Variants in KCNIP4 observed in about 807,000 individuals in gnomAD.
KCNIP4 encodes Kv channel-interacting protein 4.
KCNIP4 carries 12 observed loss-of-function variants against 34.0 expected under a neutral mutation model. That is an observed-to-expected ratio of 0.35 (90% CI 0.23 to 0.57). The LOEUF (loss-of-function observed/expected upper bound fraction) is 0.57, where lower values mean the gene tolerates loss of function less well. Ranked by LOEUF, KCNIP4 falls within the 20% of genes least tolerant of loss-of-function variation. The pLI, the probability that KCNIP4 is intolerant of heterozygous loss-of-function variation, is 0.83. For missense variants in KCNIP4, 238 were observed against 311.7 expected (o/e 0.76, Z 1.78); for synonymous variants, 124 against 102.2 (o/e 1.21, Z -1.29).
chr4:21,690,918 T>C (rs147533749), intron 1 of KCNIP4, among the ~76,000 whole-genome samples: 2 of 152,288 alleles, frequency 1.3e-5, no homozygotes, highest in Non-Finnish European at 2.9e-5. Flanking sequence ...TAAAAAAACA[T>C]ACAGAGAAAT....
At chr4:21,021,081 T>C (rs1357987508) in intron 1 of KCNIP4, among the ~76,000 whole-genome samples, 2 of 152,232 alleles carry the variant, frequency 1.3e-5, no homozygotes, top group Non-Finnish European at 2.9e-5. Flanking sequence ...CACGATGTGA[T>C]ATGGCTTATT....
At chr4:21,110,327 A>G (rs1195971379) in intron 1 of KCNIP4, among the ~76,000 whole-genome samples, 2 of 152,234 alleles carry the variant, frequency 1.3e-5, no homozygotes, top group Non-Finnish European at 2.9e-5. Flanking sequence ...AAAGAAAAAA[A>G]CAGACACATA....
intron 1 of KCNIP4, among the ~76,000 whole-genome samples, chr4:21,540,099 C>T (rs80009850): frequency 0.015 from 2,257 of 152,020 alleles, 23 homozygotes; most frequent in Non-Finnish European, 0.021. Flanking sequence ...ATTATTATAA[C>T]CAATATTAAT....
chr4:21,603,666 A>C (rs936571837), intron 1 of KCNIP4, among the ~76,000 whole-genome samples: 1 of 152,104 alleles, frequency 6.6e-6, no homozygotes, highest in Admixed American at 6.6e-5. Context: ...GAATCTTCCA[A>C]TCTTAAGACA....
rs980968142 is a variant in KCNIP4 at position 21,394,915 on chromosome 4, T to G, written c.62-512206A>C. Among the ~76,000 whole-genome samples, 7 of 152,298 alleles carry G rather than the reference T, an allele frequency of 4.6e-5. No homozygotes were observed. The South Asian group carries it at 1.0e-3, about 23-fold the overall frequency. On this transcript the variant is annotated intron_variant, in intron 1 of 8. Transcript: ENST00000382152. ...TGGCATTCTTTTATTACATTTCCAT[T>G]TATTGAACATTGACTGGGCTCACAA... is the stretch of plus-strand genomic sequence containing the variant.
intron 1 of KCNIP4, among the ~76,000 whole-genome samples, chr4:21,240,517 G>A (rs747886348): frequency 1.3e-5 from 2 of 152,126 alleles, no homozygotes; most frequent in Non-Finnish European, 2.9e-5. Context: ...AGTCTCATCA[G>A]CAAGTTACTC....
chr4:21,836,313 A>T (rs941276047), intron 1 of KCNIP4, among the ~76,000 whole-genome samples: 1 of 152,168 alleles, frequency 6.6e-6, no homozygotes, highest in Non-Finnish European at 1.5e-5. Context: ...AAACTCAATT[A>T]TTGTACATCA....
intron 1 of KCNIP4, among the ~76,000 whole-genome samples, chr4:21,670,473 A>C (rs1329575314): frequency 6.6e-6 from 1 of 151,066 alleles, no homozygotes; most frequent in Non-Finnish European, 1.5e-5. Flanking sequence ...CTAATGCTAG[A>C]TGACGAGTTA....
intron 1 of KCNIP4, among the ~76,000 whole-genome samples, chr4:20,956,785 G>A (rs1733355378): frequency 6.6e-6 from 1 of 152,136 alleles, no homozygotes; most frequent in Admixed American, 6.5e-5. Flanking sequence ...AAAACCAATG[G>A]CCGCTATTTA....
chr4:20,929,916 A>G (rs1410354666), intron 1 of KCNIP4, among the ~76,000 whole-genome samples: 1 of 152,076 alleles, frequency 6.6e-6, no homozygotes, highest in Non-Finnish European at 1.5e-5. Context: ...GAATCAAAAA[A>G]TTTAACAATG....
rs76583713 is a variant in KCNIP4, at chr4:21,901,357, G to A, written c.61+47214C>T. ...TTCCCTTCAAACAGCGCACCCTCTC[G>A]TGCTTACACCTGAGGGGCCACTGCT... is the stretch of plus-strand genomic sequence containing the variant. On this transcript the variant is annotated intron_variant, in intron 1 of 8. Coordinates refer to ENST00000382152, the MANE Select transcript of KCNIP4 (RefSeq NM_025221.6). 5.5e-3 allele frequency among the ~76,000 whole-genome samples: 831 copies of A among 152,284 alleles called. 22 individuals are homozygous for A. The highest frequency in any genetic ancestry group is 0.046 in the Admixed American group (704 of 15,292).
chr4:21,022,248 T>C (rs1740139651), intron 1 of KCNIP4, among the ~76,000 whole-genome samples: 1 of 152,234 alleles, frequency 6.6e-6, no homozygotes. Flanking sequence ...ATGACACTCC[T>C]GACCATAGAA....
intron 1 of KCNIP4, among the ~76,000 whole-genome samples, chr4:21,511,241 AG>A (rs1431957816): frequency 3.9e-5 from 6 of 152,290 alleles, no homozygotes; most frequent in Middle Eastern, 3.4e-3. Flanking sequence ...AGTGTATTAA[AG>A]AAATAATAAA....
At chr4:21,862,972 A>G (rs539021000) in intron 1 of KCNIP4, among the ~76,000 whole-genome samples, 2 of 151,746 alleles carry the variant, frequency 1.3e-5, no homozygotes, top group South Asian at 4.2e-4. Flanking sequence ...AAAAAAGAAA[A>G]AAAAAGAATT....
rs548022446 is a variant in KCNIP4, at chr4:20,903,819, C to T, written c.62-21110G>A. Among the ~76,000 whole-genome samples the T allele has an allele frequency of 8.5e-5, 13 of 152,184 alleles. No homozygotes were observed. In the East Asian group the frequency reaches 1.2e-3, roughly 14 times the overall value. On this transcript the variant is annotated intron_variant, in intron 1 of 8. Transcript: ENST00000382152. ...TTTTACAGAGTTTTGCTCTTTTCAT[C>T]GGCAGAAATTAATGAGAAACTAGCA...
intron 1 of KCNIP4, among the ~76,000 whole-genome samples, chr4:21,049,803 G>A (rs1742770057): frequency 6.6e-6 from 1 of 152,172 alleles, no homozygotes; most frequent in East Asian, 1.9e-4. Context: ...GTGGCAATTT[G>A]AAACACAAGT....
chr4:21,133,331 C>T (rs953474281), intron 1 of KCNIP4, among the ~76,000 whole-genome samples: 1 of 152,164 alleles, frequency 6.6e-6, no homozygotes, highest in Non-Finnish European at 1.5e-5. Flanking sequence ...AGAGAGAGTA[C>T]ATTATCTGCT....
intron 1 of KCNIP4, among the ~76,000 whole-genome samples, chr4:20,975,186 A>C (rs1560614706): frequency 6.6e-6 from 1 of 152,126 alleles, no homozygotes; most frequent in African/African-American, 2.4e-5. Flanking sequence ...CTACTTATAG[A>C]TCTTTTATTT....
At chr4:21,513,152 GC>G in intron 1 of KCNIP4, among the ~76,000 whole-genome samples, 2 of 152,334 alleles carry the variant, frequency 1.3e-5, no homozygotes, top group South Asian at 4.1e-4. Context: ...TAACAGGACA[GC>G]CCTGCTGTGG....
Sources: allele counts gnomAD v4.1 joint callset (sites outside exome capture counted in the v4.1 genomes callset), GRCh38; gene constraint gnomAD v4.1.1; transcripts MANE v1.5; gene names NCBI Gene and HGNC (gene_info 2026-07-23, HGNC 2026-07-21).